ASIC2: variants seen among roughly 807,000 people sequenced by gnomAD.
The protein encoded by ASIC2 is acid sensing ion channel subunit 2.
In ASIC2, 25 loss-of-function variants were observed where a neutral mutation model predicts 57.3. The ratio of observed to expected loss-of-function variants is 0.44; its 90% confidence interval spans 0.32 to 0.61. The LOEUF (loss-of-function observed/expected upper bound fraction) is 0.61, where lower values mean the gene tolerates loss of function less well. ASIC2 is among the 20% of genes least tolerant of loss of function. The pLI, the probability that ASIC2 is intolerant of heterozygous loss-of-function variation, is 0.06. For missense variants in ASIC2, 641 were observed against 738.1 expected (o/e 0.87, Z 1.52); for synonymous variants, 319 against 307.5 (o/e 1.04, Z -0.39).
intron 1 of ASIC2, among the ~76,000 whole-genome samples, chr17:33,606,163 G>A (rs959941533): frequency 5.9e-5 from 9 of 152,294 alleles, no homozygotes; most frequent in South Asian, 2.1e-4. Flanking sequence ...ATCAGACAGC[G>A]GACCCAGGGG....
chr17:34,032,021 G>T (rs1907636503), intron 1 of ASIC2, among the ~76,000 whole-genome samples: 1 of 152,142 alleles, frequency 6.6e-6, no homozygotes, highest in Non-Finnish European at 1.5e-5. Context: ...ATGCCACAAA[G>T]ATACTCCTCG....
chr17:33,566,211 T>C (rs758417800), intron 1 of ASIC2, among the ~76,000 whole-genome samples: 2 of 152,218 alleles, frequency 1.3e-5, no homozygotes, highest in Admixed American at 6.5e-5. Context: ...TCAGGACAAA[T>C]ACTTGGAATA....
intron 1 of ASIC2, among the ~76,000 whole-genome samples, chr17:33,127,491 G>A (rs2092328543): frequency 6.6e-6 from 1 of 152,162 alleles, no homozygotes; most frequent in Non-Finnish European, 1.5e-5. Flanking sequence ...GCAGAGGGAC[G>A]CCTTGAGACT....
At chr17:33,752,242 A>T (rs1910457583) in intron 1 of ASIC2, among the ~76,000 whole-genome samples, 2 of 152,108 alleles carry the variant, frequency 1.3e-5, no homozygotes, top group African/African-American at 4.8e-5. Flanking sequence ...TAAGATAAAA[A>T]AGAGTTTCAC....
At chr17:33,200,266 C>T (rs961024623) in intron 1 of ASIC2, among the ~76,000 whole-genome samples, 15 of 152,218 alleles carry the variant, frequency 9.9e-5, no homozygotes, top group Admixed American at 8.5e-4. Context: ...CAGTGCCTGG[C>T]ATCGAGTCAA....
intron 1 of ASIC2, among the ~76,000 whole-genome samples, chr17:33,856,811 AG>A (rs1913968584): frequency 6.6e-6 from 1 of 152,134 alleles, no homozygotes; most frequent in Non-Finnish European, 1.5e-5. Flanking sequence ...GGGACCTGTA[AG>A]CAGTCATGAT....
chr17:33,375,093 T>TTACATAGTAAA (rs1261273965), intron 1 of ASIC2, among the ~76,000 whole-genome samples: 3 of 152,216 alleles, frequency 2.0e-5, no homozygotes, highest in Non-Finnish European at 4.4e-5. Context: ...TATTTATTCA[T>TTACATAGTAAA]TACATAGTAA....
intron 1 of ASIC2, among the ~76,000 whole-genome samples, chr17:34,110,463 T>A (rs955636417): frequency 6.6e-6 from 1 of 152,164 alleles, no homozygotes; most frequent in African/African-American, 2.4e-5. Flanking sequence ...TGCCTCAGGA[T>A]TGATCATTAG....
chr17:33,838,719 C>T (rs2141906321), intron 1 of ASIC2, among the ~76,000 whole-genome samples: 1 of 152,278 alleles, frequency 6.6e-6, no homozygotes, highest in African/African-American at 2.4e-5. Context: ...CACACATGCT[C>T]TGGATCAGTG....
At position 33,291,913 on chromosome 17, in the gene ASIC2, C is replaced by G; in HGVS notation, c.203G>C (p.Gly68Ala). Residue 68 changes from glycine to alanine, a missense_variant, in exon 1 of 10, where the codon GGG becomes GCG. Coordinates refer to ENST00000225823, the MANE Select transcript of ASIC2 (RefSeq NM_183377.2). ...GCGCCCGGCACACATGTGCCGCAGC[C>G]CGTGCAGTTTAGCGCGGCTCAGCGA... ...RPSLSRAKLHGLRHMCAGRTA... is the reference protein window; with the variant it reads ...RPSLSRAKLHALRHMCAGRTA... The G allele has an allele frequency of 1.3e-6, 2 of 1,593,518 alleles. No homozygotes were observed. The highest frequency in any genetic ancestry group is 1.1e-5 in the South Asian group (1 of 90,078).
At chr17:33,087,660 CAAGT>C (rs1199101470) in intron 3 of ASIC2, among the ~76,000 whole-genome samples, 2 of 144,494 alleles carry the variant, frequency 1.4e-5, no homozygotes, top group Non-Finnish European at 3.0e-5. Context: ...TCAGTCAGCT[CAAGT>C]GATCCTCCCA....
intron 1 of ASIC2, among the ~76,000 whole-genome samples, chr17:33,641,306 A>C (rs1906555611): frequency 6.6e-6 from 1 of 152,230 alleles, no homozygotes; most frequent in Admixed American, 6.5e-5. Flanking sequence ...AAAACAAAAC[A>C]GAAGAACCCA....
intron 1 of ASIC2, among the ~76,000 whole-genome samples, chr17:33,438,599 A>G (rs892448300): frequency 6.6e-6 from 1 of 152,186 alleles, no homozygotes; most frequent in Non-Finnish European, 1.5e-5. Flanking sequence ...TAGTCATAAA[A>G]GCAGTTTTTG....
chr17:33,576,722 T>C (rs1047504874), intron 1 of ASIC2, among the ~76,000 whole-genome samples: 2 of 152,096 alleles, frequency 1.3e-5, no homozygotes, highest in African/African-American at 4.8e-5. Context: ...AAGGAGATGT[T>C]TTCTCCTTAC....
chr17:34,135,105 C>G (rs973645054), intron 1 of ASIC2, among the ~76,000 whole-genome samples: 13 of 152,218 alleles, frequency 8.5e-5, no homozygotes, highest in African/African-American at 3.1e-4. Flanking sequence ...AGTGGAGGCT[C>G]TTTCTGCTAG....
chr17:33,024,663 C>A (rs1249783791), intron 5 of ASIC2, among the ~76,000 whole-genome samples: 3 of 152,194 alleles, frequency 2.0e-5, no homozygotes, highest in African/African-American at 7.2e-5. Context: ...TGGCCCCCAT[C>A]CATGCTGGGC....
chr17:33,768,458 A>C (rs567248546), intron 1 of ASIC2, among the ~76,000 whole-genome samples: 230 of 152,322 alleles, frequency 1.5e-3, no homozygotes, highest in Middle Eastern at 0.014. Context: ...TCTACAAACA[A>C]GCATATAAAT....
At chr17:33,099,167 T>C (rs148682071) in intron 2 of ASIC2, among the ~76,000 whole-genome samples, 1 of 151,630 alleles carries the variant, frequency 6.6e-6, no homozygotes, top group East Asian at 1.9e-4. Flanking sequence ...TAGGTTTTTT[T>C]TTGTTGTTGT....
chr17:34,149,967 G>A (rs1904448201), intron 1 of ASIC2, among the ~76,000 whole-genome samples: 1 of 152,150 alleles, frequency 6.6e-6, no homozygotes, highest in Non-Finnish European at 1.5e-5. Flanking sequence ...AGTCACAAAA[G>A]CCAAGATATG....
Sources: allele counts gnomAD v4.1 joint callset (sites outside exome capture counted in the v4.1 genomes callset), GRCh38; gene constraint gnomAD v4.1.1; transcripts MANE v1.5; gene names NCBI Gene and HGNC (gene_info 2026-07-23, HGNC 2026-07-21).